The following CAMK1D variants were observed in gnomAD, a reference collection of about 807,000 sequenced individuals.
CAMK1D encodes the protein calcium/calmodulin-dependent protein kinase type 1D.
In CAMK1D, 9 loss-of-function variants were observed where a neutral mutation model predicts 47.7. The observed-to-expected ratio is 0.19, with a 90% CI of 0.11 to 0.33. The LOEUF is 0.33. CAMK1D is among the 10% of genes least tolerant of loss of function. The pLI, the probability that CAMK1D is intolerant of heterozygous loss-of-function variation, is 1.00. For synonymous variants in CAMK1D, 184 were observed against 184.9 expected (o/e 0.99, Z 0.04); for missense variants, 291 against 488.7 (o/e 0.60, Z 3.81).
intron 2 of CAMK1D, among the ~76,000 whole-genome samples, chr10:12,626,041 T>G (rs1241035998): frequency 6.6e-6 from 1 of 152,224 alleles, no homozygotes; most frequent in Non-Finnish European, 1.5e-5. Context: ...TTATATCTAC[T>G]GCACCATCTC....
intron 1 of CAMK1D, among the ~76,000 whole-genome samples, chr10:12,429,135 C>T (rs1409661026): frequency 6.6e-6 from 1 of 152,194 alleles, no homozygotes; most frequent in Non-Finnish European, 1.5e-5. Context: ...ATCGCCCACC[C>T]CTGCCACTCT....
chr10:12,802,186 A>T (rs1375817885), intron 6 of CAMK1D, among the ~76,000 whole-genome samples: 2 of 152,206 alleles, frequency 1.3e-5, no homozygotes, highest in African/African-American at 2.4e-5. Flanking sequence ...AAATTCACTT[A>T]TATCTATTAA....
At chr10:12,774,176 T>C (rs1212282880) in intron 5 of CAMK1D, among the ~76,000 whole-genome samples, 1 of 152,080 alleles carries the variant, frequency 6.6e-6, no homozygotes, top group Non-Finnish European at 1.5e-5. Context: ...AAAGCAAATA[T>C]TGATAGCTAA....
In CAMK1D at chr10:12,803,888, A is replaced by G. The variant is rs2493761; in HGVS notation, c.642-10307A>G. Reference sequence around the variant, plus strand: ...CCTACTTTGAAAAGCACTTCTTCAAACATACTTTTCAGCTTCTGATTTGAG... The same window carrying G: ...CCTACTTTGAAAAGCACTTCTTCAAGCATACTTTTCAGCTTCTGATTTGAG... On this transcript the variant is annotated intron_variant, in intron 6 of 10. Coordinates refer to ENST00000619168, the MANE Select transcript of CAMK1D (RefSeq NM_153498.4). 2.1e-3 allele frequency among the ~76,000 whole-genome samples: 327 copies of G among 152,290 alleles called. 1 individual carries two copies. Among genetic ancestry groups the G allele is most frequent in the African/African-American group, 7.5e-3 (312 of 41,558 alleles).
At chr10:12,601,822 C>T (rs1399990140) in intron 2 of CAMK1D, among the ~76,000 whole-genome samples, 2 of 152,212 alleles carry the variant, frequency 1.3e-5, no homozygotes, top group East Asian at 3.8e-4. Flanking sequence ...GCAGGGCTTT[C>T]TTCTCCCCTG....
intron 1 of CAMK1D, among the ~76,000 whole-genome samples, chr10:12,427,698 C>CTGTTTTTTTTGTTTTTTTTTTTTT (rs1840282580): frequency 5.1e-4 from 14 of 27,352 alleles, no homozygotes; most frequent in African/African-American, 1.6e-3. Context: ...ACTGAACTTA[C>CTGTTTTTTTTGTTTTTTTTTTTTT]TGTTTTTTTT....
chr10:12,552,034 AGTT>A (rs1301876134), intron 1 of CAMK1D, among the ~76,000 whole-genome samples: 1 of 152,196 alleles, frequency 6.6e-6, no homozygotes, highest in Non-Finnish European at 1.5e-5. Context: ...ACAGAGCCCA[AGTT>A]GCTGGGATCT....
chr10:12,801,395 C>CTATCTATCTATCT (rs1564572319), intron 6 of CAMK1D, among the ~76,000 whole-genome samples: 19 of 70,880 alleles, frequency 2.7e-4, no homozygotes, highest in African/African-American at 7.8e-4. Flanking sequence ...TCTATCTATC[C>CTATCTATCTATCT]ATCCATCTGT....
chr10:12,484,659 G>A (rs745387934), intron 1 of CAMK1D, among the ~76,000 whole-genome samples: 1 of 152,194 alleles, frequency 6.6e-6, no homozygotes, highest in African/African-American at 2.4e-5. Context: ...CAGTGGAAGC[G>A]ATGACGTCCC....
intron 3 of CAMK1D, among the ~76,000 whole-genome samples, chr10:12,679,672 C>T (rs1435867229): frequency 6.6e-6 from 1 of 152,230 alleles, no homozygotes; most frequent in Non-Finnish European, 1.5e-5. Context: ...GGTTTTCTCT[C>T]ATGTCTCCCA....
chr10:12,747,340 C>G (rs939748827), intron 3 of CAMK1D, among the ~76,000 whole-genome samples: 18 of 152,178 alleles, frequency 1.2e-4, no homozygotes, highest in South Asian at 8.3e-4. Flanking sequence ...AGGTCTCACT[C>G]TGTCACTCAG....
In CAMK1D at chr10:12,831,236, A is replaced by G. The variant is rs1315292801; in HGVS notation, c.*2349A>G. The G allele has an allele frequency of 1.3e-5, 2 of 152,246 alleles. No individual in the cohort carries two copies. The highest frequency in any genetic ancestry group is 2.9e-5 in the Non-Finnish European group (2 of 68,048). 9.4% of individuals were successfully genotyped at this position (152,246 alleles called of 1,614,324 possible). On this transcript the variant is annotated 3_prime_UTR_variant, in exon 11 of 11. Transcript: ENST00000619168. ...GAAGCAAGTGTCACCTGAGTTGGCCATGCAATGAATGAATATTATAAGCAG... is the reference window on the plus strand; with the variant it reads ...GAAGCAAGTGTCACCTGAGTTGGCCGTGCAATGAATGAATATTATAAGCAG...
intron 2 of CAMK1D, among the ~76,000 whole-genome samples, chr10:12,633,135 G>A (rs925387493): frequency 6.6e-6 from 1 of 152,198 alleles, no homozygotes; most frequent in Non-Finnish European, 1.5e-5. Flanking sequence ...TGAGCGTGGC[G>A]GAGAAGCCAT....
At chr10:12,431,734 T>C (rs1588478528) in intron 1 of CAMK1D, among the ~76,000 whole-genome samples, 1 of 152,242 alleles carries the variant, frequency 6.6e-6, no homozygotes, top group Non-Finnish European at 1.5e-5. Context: ...TTTTCTCCTC[T>C]TCTTTTCTAC....
In CAMK1D at chr10:12,814,186, G is replaced by A. The variant is rs1257726877; in HGVS notation, c.642-9G>A. ...GATGTTCCAGCTTTTACTCCATTTTGTCTCCTAGGCTCTGCGGCTACCCTC... is the reference window on the plus strand; with the variant it reads ...GATGTTCCAGCTTTTACTCCATTTTATCTCCTAGGCTCTGCGGCTACCCTC... On this transcript the variant is annotated splice_polypyrimidine_tract_variant and intron_variant, in intron 6 of 10. Coordinates refer to ENST00000619168, the MANE Select transcript of CAMK1D (RefSeq NM_153498.4). 6.3e-7 allele frequency: 1 copy of A among 1,584,568 alleles called. No homozygotes were observed. The highest frequency in any genetic ancestry group is 2.2e-5 in the East Asian group (1 of 44,702).
intron 3 of CAMK1D, among the ~76,000 whole-genome samples, chr10:12,673,294 A>T (rs1448089096): frequency 6.8e-6 from 1 of 147,642 alleles, no homozygotes; most frequent in Non-Finnish European, 1.5e-5. Flanking sequence ...AATAAACGTA[A>T]GTGTTTTCAT....
In CAMK1D at chr10:12,427,303, G is replaced by A. The variant is rs1006268616; in HGVS notation, c.92+77393G>A. 1.5e-4 allele frequency among the ~76,000 whole-genome samples: 23 copies of A among 152,356 alleles called. 1 individual carries two copies. Among genetic ancestry groups the A allele is most frequent in the Middle Eastern group, 6.8e-3 (2 of 294 alleles). The stretch of plus-strand genomic sequence containing the variant: ...CACCCCTAGGCAAAAGGGGCCAGGG[G>A]AGGACCTCGGAGAGTCCTGGAGCCA... On this transcript the variant is annotated intron_variant, in intron 1 of 10. Coordinates refer to ENST00000619168, the MANE Select transcript of CAMK1D (RefSeq NM_153498.4).
At chr10:12,547,688 A>C (rs112100193) in intron 1 of CAMK1D, among the ~76,000 whole-genome samples, 1 of 110,774 alleles carries the variant, frequency 9.0e-6, no homozygotes, top group Non-Finnish European at 1.6e-5. Flanking sequence ...TCTCTCACAC[A>C]CACACACACA....
chr10:12,357,189 TG>T (rs1294439094), intron 1 of CAMK1D, among the ~76,000 whole-genome samples: 1 of 152,192 alleles, frequency 6.6e-6, no homozygotes, highest in African/African-American at 2.4e-5. Flanking sequence ...TTTTATTTTC[TG>T]AGACAGAGTC....
Sources: allele counts gnomAD v4.1 joint callset (sites outside exome capture counted in the v4.1 genomes callset), GRCh38; gene constraint gnomAD v4.1.1; transcripts MANE v1.5; gene names NCBI Gene and HGNC (gene_info 2026-07-23, HGNC 2026-07-21).